The following CAMTA1 variants were observed in gnomAD, a reference collection of about 807,000 sequenced individuals.
CAMTA1 encodes the protein calmodulin binding transcription activator 1, also known as calmodulin-binding transcription activator 1.
CAMTA1 carries 27 observed loss-of-function variants against 170.9 expected under a neutral mutation model. That is an observed-to-expected ratio of 0.16 (90% confidence interval 0.12 to 0.22). CAMTA1 has a LOEUF of 0.22. Among genes scored for constraint, CAMTA1 ranks in the 10% least tolerant of loss-of-function variants. The probability of loss-of-function intolerance (pLI) is 1.00; values close to 1 mark genes in which losing one functional copy is unlikely to be tolerated. For missense variants in CAMTA1, 1,619 were observed against 2,217.2 expected (o/e 0.73, Z 5.42); for synonymous variants, 833 against 891.5 (o/e 0.93, Z 1.17).
At chr1:6,821,957 G>A (rs1416988239) in intron 2 of CAMTA1, among the ~76,000 whole-genome samples, 2 of 152,106 alleles carry the variant, frequency 1.3e-5, no homozygotes, top group Non-Finnish European at 2.9e-5. Flanking sequence ...TGTCAGTCAA[G>A]CAAATCATCT....
intron 4 of CAMTA1, among the ~76,000 whole-genome samples, chr1:7,115,572 T>A (rs1414477681): frequency 8.1e-6 from 1 of 123,362 alleles, no homozygotes; most frequent in East Asian, 2.5e-4. Context: ...GATGATGTTG[T>A]TCCAGTCTGA....
chr1:7,246,642 C>T (rs985653329), intron 4 of CAMTA1, among the ~76,000 whole-genome samples: 10 of 147,810 alleles, frequency 6.8e-5, no homozygotes, highest in Non-Finnish European at 1.5e-5. Flanking sequence ...CCTCCTTCCT[C>T]TGATCCCTTC....
Position 7,318,037 on chromosome 1 carries a change from G to C in CAMTA1, c.438+68411G>C, listed in dbSNP as rs140762969. Among the ~76,000 whole-genome samples, 1,277 of 152,286 alleles carry C rather than the reference G, an allele frequency of 8.4e-3. 13 individuals carry two copies. The highest frequency in any genetic ancestry group is 0.034 in the East Asian group (176 of 5,166). On this transcript the variant is annotated intron_variant, in intron 5 of 22. Coordinates refer to ENST00000303635, the MANE Select transcript of CAMTA1 (RefSeq NM_015215.4). ...GGCCTGGGGAAATGGGCAGGTATGTGGAGCTAGCATGCTTGAAAGAAAGGG... is the reference window on the plus strand; with the variant it reads ...GGCCTGGGGAAATGGGCAGGTATGTCGAGCTAGCATGCTTGAAAGAAAGGG...
chr1:7,321,081 C>T (rs12134803), intron 5 of CAMTA1, among the ~76,000 whole-genome samples: 36,677 of 152,152 alleles, frequency 0.24, 4,982 homozygotes, highest in Middle Eastern at 0.42. Context: ...GTACTTGCTG[C>T]GGAATTGCAG....
At chr1:7,607,371 ATGGATGGATGGGTGAATAGGTGGACTGG>A (rs1249617033) in intron 6 of CAMTA1, among the ~76,000 whole-genome samples, 2 of 146,940 alleles carry the variant, frequency 1.4e-5, no homozygotes, top group Non-Finnish European at 3.0e-5. Context: ...GGATGGGTAG[ATGGATGGATGGGTGAATAGGTGGACTGG>A]TGGATGGATG....
intron 3 of CAMTA1, among the ~76,000 whole-genome samples, chr1:6,871,157 C>T (rs1668299917): frequency 6.6e-6 from 1 of 152,148 alleles, no homozygotes; most frequent in Non-Finnish European, 1.5e-5. Context: ...TGTCAAGCCC[C>T]TATTAATTCT....
At chr1:6,904,880 G>T (rs150420215) in intron 3 of CAMTA1, among the ~76,000 whole-genome samples, 2 of 150,776 alleles carry the variant, frequency 1.3e-5, no homozygotes, top group African/African-American at 2.4e-5. Flanking sequence ...GGCGTGAGCC[G>T]CCACACCTGG....
intron 4 of CAMTA1, among the ~76,000 whole-genome samples, chr1:7,139,520 A>G (rs1468877898): frequency 6.6e-6 from 1 of 151,870 alleles, no homozygotes; most frequent in Non-Finnish European, 1.5e-5. Flanking sequence ...GCAGTTTAAG[A>G]GCCCCTCCCT....
chr1:7,715,775 C>T (rs1267189503), intron 11 of CAMTA1, among the ~76,000 whole-genome samples: 2 of 152,168 alleles, frequency 1.3e-5, no homozygotes. Context: ...CTCAGAGGAA[C>T]TGAGTGCCGT....
rs2095324868 is a variant in CAMTA1, at chr1:7,587,944, C to G, written c.511-52456C>G. Among the ~76,000 whole-genome samples the G allele has an allele frequency of 2.0e-5, 3 of 152,164 alleles. No individual in the cohort carries two copies. In the South Asian group the frequency reaches 6.2e-4, roughly 31 times the overall value. ...GGGTACCTCCCCAGAACCCGCCTCCCTCGGCCCAGATGGCAGCTGTAGCTT... is the reference window on the plus strand; with the variant it reads ...GGGTACCTCCCCAGAACCCGCCTCCGTCGGCCCAGATGGCAGCTGTAGCTT... On this transcript the variant is annotated intron_variant, in intron 6 of 22. Transcript: ENST00000303635.
At chr1:7,156,674 G>C (rs1358173625) in intron 4 of CAMTA1, among the ~76,000 whole-genome samples, 1 of 152,230 alleles carries the variant, frequency 6.6e-6, no homozygotes, top group Non-Finnish European at 1.5e-5. Context: ...AGACCAAGAC[G>C]ATTTCAGAAG....
intron 6 of CAMTA1, among the ~76,000 whole-genome samples, chr1:7,539,924 G>A (rs1286968700): frequency 6.6e-6 from 1 of 152,206 alleles, no homozygotes; most frequent in African/African-American, 2.4e-5. Flanking sequence ...CCCTCTGCTG[G>A]GCTGTCCCTT....
In CAMTA1 at chr1:6,973,821, G is replaced by A. The variant is rs937085285; in HGVS notation, c.235-117483G>A. ...GGCCCTGAGAGCGAATGAAAGTATC[G>A]CCTCATCTCCCTTCTACAGTGGCTG... On this transcript the variant is annotated intron_variant, in intron 3 of 22. Transcript: ENST00000303635. Among the ~76,000 whole-genome samples the A allele has an allele frequency of 9.2e-5, 14 of 152,112 alleles. 2 individuals carry two copies. In the South Asian group the frequency reaches 2.5e-3, roughly 27 times the overall value.
intron 5 of CAMTA1, among the ~76,000 whole-genome samples, chr1:7,314,815 C>T (rs1252059824): frequency 6.6e-6 from 1 of 152,198 alleles, no homozygotes; most frequent in Non-Finnish European, 1.5e-5. Flanking sequence ...TTCAGGTACA[C>T]CACCCCTAAG....
chr1:6,969,567 T>C (rs1328718599), intron 3 of CAMTA1, among the ~76,000 whole-genome samples: 1 of 152,172 alleles, frequency 6.6e-6, no homozygotes, highest in Non-Finnish European at 1.5e-5. Context: ...GGCCTTGGAC[T>C]TCAGGCTTGT....
At chr1:7,386,639 G>A (rs950495916) in intron 5 of CAMTA1, among the ~76,000 whole-genome samples, 2 of 152,188 alleles carry the variant, frequency 1.3e-5, no homozygotes, top group East Asian at 3.9e-4. Context: ...AGATGGGGTT[G>A]GAGGCCCAGC....
At chr1:6,973,075 C>T (rs927194510) in intron 3 of CAMTA1, among the ~76,000 whole-genome samples, 2 of 152,068 alleles carry the variant, frequency 1.3e-5, no homozygotes, top group Non-Finnish European at 2.9e-5. Flanking sequence ...TGGTCTTGAA[C>T]TCCTGACCTC....
chr1:7,671,106 GC>G, intron 10 of CAMTA1, 69 bp downstream of exon 10: 1 of 1,566,994 alleles, frequency 6.4e-7, no homozygotes, highest in East Asian at 2.2e-5. Flanking sequence ...CTCGGAGTTG[GC>G]CTTGGGGTGA....
At chr1:6,847,027 G>A (rs551046074) in intron 3 of CAMTA1, among the ~76,000 whole-genome samples, 2 of 150,236 alleles carry the variant, frequency 1.3e-5, no homozygotes, top group East Asian at 3.9e-4. Context: ...TTTTGGAGAC[G>A]GAATCTTGCT....
Sources: allele counts gnomAD v4.1 joint callset (sites outside exome capture counted in the v4.1 genomes callset), GRCh38; gene constraint gnomAD v4.1.1; transcripts MANE v1.5; gene names NCBI Gene and HGNC (gene_info 2026-07-23, HGNC 2026-07-21).